The following C10orf90 variants were observed in gnomAD, a reference collection of about 807,000 sequenced individuals.
C10orf90 encodes the protein chromosome 10 open reading frame 90.
A neutral mutation model predicts 62.5 loss-of-function variants in C10orf90; 56 were observed. The ratio of observed to expected loss-of-function variants is 0.90; its 90% CI spans 0.72 to 1.12. The LOEUF is 1.12. Ranked by LOEUF, C10orf90 falls within the 50% of genes most tolerant of loss-of-function variation. The pLI is 0.00. For missense variants in C10orf90, 970 were observed against 880.4 expected, an observed-to-expected ratio of 1.10 and a Z score of -1.29; for synonymous variants, 386 against 340.4, an observed-to-expected ratio of 1.13 and a Z score of -1.47.
At chr10:126,616,685 T>C (rs12240376) in intron 2 of C10orf90, among the ~76,000 whole-genome samples, 2,605 of 152,300 alleles carry the variant, frequency 0.017, 27 homozygotes, top group Non-Finnish European at 0.024. Context: ...AGCTTCATCT[T>C]TCTGGTCTAT....
At chr10:126,511,563 G>A (rs1000086641) in intron 3 of C10orf90, among the ~76,000 whole-genome samples, 2 of 150,792 alleles carry the variant, frequency 1.3e-5, no homozygotes, top group Admixed American at 6.6e-5. Flanking sequence ...ACCAAGAATC[G>A]CTGTTTTTTT....
In C10orf90 at chr10:126,505,014, C is replaced by T. The variant is rs1358695495; in HGVS notation, c.477G>A (p.Lys159=). 6.2e-7 allele frequency: 1 copy of T among 1,614,208 alleles called. No individual in the cohort carries two copies. Among genetic ancestry groups the T allele is most frequent in the Admixed American group, 1.7e-5 (1 of 60,018 alleles). ...IVISQMIDEN[K]SRENRASLPL... ...GCAAGGAGGCCCTGTTTTCTCTTGA[C>T]TTATTCTCATCAATCATCTGGGAGA... Residue 159 remains lysine, a synonymous_variant, in exon 4 of 10, where the codon AAG becomes AAA. Transcript: ENST00000488181.
rs574569401 is a variant in C10orf90 at position 126,483,222 on chromosome 10, C to T, written c.1535-18236G>A. Among the ~76,000 whole-genome samples the T allele has an allele frequency of 1.3e-4, 20 of 152,372 alleles. No individual in the cohort carries two copies. The South Asian group carries it at 4.1e-3, about 32-fold the overall frequency. ...TGCCAAAGGCAAACCAAGAGCATTT[C>T]ATTCTTCGCAGGTGAGCCTAAGTGA... On this transcript the variant is annotated intron_variant, in intron 4 of 9. Coordinates refer to ENST00000488181, the MANE Select transcript of C10orf90 (RefSeq NM_001350921.2).
chr10:126,509,760 C>T (rs1862986202), intron 3 of C10orf90, among the ~76,000 whole-genome samples: 1 of 152,156 alleles, frequency 6.6e-6, no homozygotes, highest in Non-Finnish European at 1.5e-5. Context: ...AAACACAGGA[C>T]ACTCTTGTAT....
chr10:126,451,879 C>T (rs1191427448), intron 7 of C10orf90, among the ~76,000 whole-genome samples: 1 of 151,982 alleles, frequency 6.6e-6, no homozygotes, highest in Non-Finnish European at 1.5e-5. Flanking sequence ...CTAAAAATAT[C>T]AAATTCATAG....
chr10:126,494,004 A>G (rs895534748), intron 4 of C10orf90, among the ~76,000 whole-genome samples: 2 of 152,152 alleles, frequency 1.3e-5, no homozygotes, highest in Non-Finnish European at 2.9e-5. Context: ...TAATTTCGGA[A>G]CTGCAGTGGT....
rs187424587 is a variant in C10orf90 at position 126,535,293 on chromosome 10, G to A, written c.314-21354C>T. 3.5e-3 allele frequency among the ~76,000 whole-genome samples: 532 copies of A among 152,038 alleles called. 5 individuals are homozygous for A. Among genetic ancestry groups the A allele is most frequent in the African/African-American group, 0.012 (495 of 41,464 alleles). ...AGCACTTTGGGAGGCCGAGGCAGGC[G>A]GATCACGAGGTCAGGAGATTGAGAC... On this transcript the variant is annotated intron_variant, in intron 2 of 9. Transcript: ENST00000488181.
chr10:126,634,587 C>T (rs978813618), intron 2 of C10orf90, among the ~76,000 whole-genome samples: 1 of 151,948 alleles, frequency 6.6e-6, no homozygotes, highest in Non-Finnish European at 1.5e-5. Context: ...GCGTATTGTA[C>T]ACTTAAAAAA....
intron 2 of C10orf90, among the ~76,000 whole-genome samples, chr10:126,613,628 G>A (rs1290457083): frequency 6.6e-6 from 1 of 152,204 alleles, no homozygotes; most frequent in Non-Finnish European, 1.5e-5. Context: ...AAACTGAAAA[G>A]CCAAGTCCTC....
intron 6 of C10orf90, among the ~76,000 whole-genome samples, chr10:126,461,044 G>A (rs1349423089): frequency 6.6e-6 from 1 of 152,126 alleles, no homozygotes; most frequent in African/African-American, 2.4e-5. Flanking sequence ...TGAAGACACT[G>A]AGATCTGGAG....
intron 2 of C10orf90, among the ~76,000 whole-genome samples, chr10:126,606,600 C>T (rs1470792265): frequency 6.6e-6 from 1 of 152,090 alleles, no homozygotes; most frequent in East Asian, 1.9e-4. Context: ...TGCTGGAGTC[C>T]CACCTCCGAG....
rs146002441 is a variant in C10orf90 at position 126,437,492 on chromosome 10, T to C, written c.2189-7642A>G. Among the ~76,000 whole-genome samples the C allele has an allele frequency of 4.2e-3, 644 of 152,272 alleles. 4 individuals carry two copies. Among genetic ancestry groups the C allele is most frequent in the African/African-American group, 0.014 (586 of 41,568 alleles). On this transcript the variant is annotated intron_variant, in intron 7 of 9. Transcript: ENST00000488181. ...GGTTTGAGGACCGCTGTTACCTTGA[T>C]AGAATGTAGTAAGAGTGAGAAGGAA...
intron 2 of C10orf90, among the ~76,000 whole-genome samples, chr10:126,624,654 G>T (rs1484681613): frequency 6.6e-6 from 1 of 152,178 alleles, no homozygotes; most frequent in Non-Finnish European, 1.5e-5. Context: ...AATAACCTGA[G>T]ATTGTTTTAT....
intron 2 of C10orf90, among the ~76,000 whole-genome samples, chr10:126,596,841 T>G (rs115832468): frequency 6.6e-6 from 1 of 152,204 alleles, no homozygotes; most frequent in Non-Finnish European, 1.5e-5. Context: ...TGTCTGTATA[T>G]AAATAACTCT....
chr10:126,623,951 A>T (rs1845695409), intron 2 of C10orf90, among the ~76,000 whole-genome samples: 1 of 152,160 alleles, frequency 6.6e-6, no homozygotes, highest in African/African-American at 2.4e-5. Context: ...AATATTTAAT[A>T]AATATTTGTG....
intron 2 of C10orf90, among the ~76,000 whole-genome samples, chr10:126,587,688 G>A (rs1396444777): frequency 6.6e-6 from 1 of 152,160 alleles, no homozygotes; most frequent in African/African-American, 2.4e-5. Flanking sequence ...GGTGAGATGT[G>A]GTTGGTTAGT....
intron 1 of C10orf90, among the ~76,000 whole-genome samples, chr10:126,648,898 G>T (rs2133854767): frequency 6.6e-6 from 1 of 152,290 alleles, no homozygotes; most frequent in African/African-American, 2.4e-5. Context: ...TGACAACACA[G>T]AATTAATTTT....
At chr10:126,641,282 T>C (rs944553133) in intron 2 of C10orf90, among the ~76,000 whole-genome samples, 3 of 152,090 alleles carry the variant, frequency 2.0e-5, no homozygotes, top group Non-Finnish European at 4.4e-5. Flanking sequence ...TCAGTACTAA[T>C]GAAATAGAAA....
intron 3 of C10orf90, among the ~76,000 whole-genome samples, chr10:126,512,388 GTGTGTGTGTGTGTGTCTGTGTGTC>G (rs1863178955): frequency 7.1e-5 from 3 of 42,258 alleles, no homozygotes; most frequent in African/African-American, 2.7e-4. Context: ...GTGTGTGTCT[GTGTGTGTGTGTGTGTCTGTGTGTC>G]TGTGTGTGTG....
Sources: allele counts gnomAD v4.1 joint callset (sites outside exome capture counted in the v4.1 genomes callset), GRCh38; gene constraint gnomAD v4.1.1; transcripts MANE v1.5; gene names NCBI Gene and HGNC (gene_info 2026-07-23, HGNC 2026-07-21).